NEK9: variants seen among roughly 807,000 people sequenced by gnomAD.
NEK9 encodes serine/threonine-protein kinase Nek9.
A neutral mutation model predicts 123.4 loss-of-function variants in NEK9; 75 were observed. The observed-to-expected ratio is 0.61, with a 90% CI of 0.50 to 0.74. The LOEUF is 0.74. Ranked by LOEUF, NEK9 falls within the 30% of genes least tolerant of loss-of-function variation. NEK9 has a pLI of 0.00. For missense variants in NEK9, 952 were observed against 1,214.4 expected (o/e 0.78, Z 3.21); for synonymous variants, 438 against 458.7 (o/e 0.95, Z 0.58).
At position 75,084,408 on chromosome 14, in the gene NEK9, A is replaced by G. The variant is rs1240161668; in HGVS notation, c.*156T>C. On this transcript the variant is annotated 3_prime_UTR_variant, in exon 22 of 22. Coordinates refer to ENST00000238616, the MANE Select transcript of NEK9 (RefSeq NM_033116.6). ...TAGATCCTATCTAAAAGGCAATGCCACTCTCCAAATGTACAAGGAAAGTGC... is the reference window on the plus strand; with the variant it reads ...TAGATCCTATCTAAAAGGCAATGCCGCTCTCCAAATGTACAAGGAAAGTGC... The G allele has an allele frequency of 9.7e-6, 8 of 827,010 alleles. No individual in the cohort carries two copies. Among genetic ancestry groups the G allele is most frequent in the Non-Finnish European group, 1.2e-5 (6 of 516,160 alleles). 51.2% of individuals were successfully genotyped at this position (827,010 alleles called of 1,614,324 possible).
rs1278241590 is a variant in NEK9, at chr14:75,081,943, A to C, written c.*2621T>G. The C allele has an allele frequency of 6.6e-6, 1 of 152,228 alleles. No individual in the cohort carries two copies. The highest frequency in any genetic ancestry group is 1.5e-5 in the Non-Finnish European group (1 of 68,022). The allele number at this position is 152,228 out of a possible 1,614,324, so 9.4% of individuals were successfully genotyped here. Reference sequence around the variant, plus strand: ...AGCAATGATTCTGCTGGCAAGAATAAGAAACTGGAGAGAAGCAAAGAATAT... The same window carrying C: ...AGCAATGATTCTGCTGGCAAGAATACGAAACTGGAGAGAAGCAAAGAATAT... On this transcript the variant is annotated 3_prime_UTR_variant, in exon 22 of 22. Transcript: ENST00000238616. The surrounding 1 kb of genome is among the most constrained non-coding windows in gnomAD (Gnocchi z 4.2).
Position 75,127,005 on chromosome 14 carries a change from G to C in NEK9, c.-84C>G. 8.5e-7 allele frequency: 1 copy of C among 1,180,356 alleles called. No individual in the cohort carries two copies. The highest frequency in any genetic ancestry group is 1.1e-6 in the Non-Finnish European group (1 of 880,114). 73.1% of individuals were successfully genotyped at this position (1,180,356 alleles called of 1,614,324 possible). The stretch of plus-strand genomic sequence containing the variant: ...TGCGTCCCGCTCGCTTCAGATGCCG[G>C]CCCGCGGATCCGTCAGCCCAGCAAC... On this transcript the variant is annotated 5_prime_UTR_variant, in exon 1 of 22. Transcript: ENST00000238616.
chr14:75,100,331 A>G, intron 16 of NEK9, among the ~76,000 whole-genome samples: 1 of 151,900 alleles, frequency 6.6e-6, no homozygotes, highest in East Asian at 1.9e-4. Context: ...CTGTAATCCC[A>G]GCTACTCGGG....
In NEK9 at chr14:75,084,376, T is replaced by C. The variant is rs1196224283; in HGVS notation, c.*188A>G. 4.5e-6 allele frequency: 3 copies of C among 667,754 alleles called. No homozygotes were observed. In the East Asian group the frequency reaches 8.1e-5, roughly 18 times the overall value. The allele number at this position is 667,754 out of a possible 1,614,324, so 41.4% of individuals were successfully genotyped here. ...CCTTCCATTCTCCAAAACAATAAAATCACTCCTAGATCCTATCTAAAAGGC... is the reference window on the plus strand; with the variant it reads ...CCTTCCATTCTCCAAAACAATAAAACCACTCCTAGATCCTATCTAAAAGGC... On this transcript the variant is annotated 3_prime_UTR_variant, in exon 22 of 22. Transcript: ENST00000238616.
At chr14:75,126,398 T>C (rs1036470149) in intron 1 of NEK9, among the ~76,000 whole-genome samples, 1 of 151,784 alleles carries the variant, frequency 6.6e-6, no homozygotes, top group Non-Finnish European at 1.5e-5. Context: ...ATTCTCAAGA[T>C]AATCTTAAAA....
Position 75,095,434 on chromosome 14 carries a change from G to A in NEK9, c.2174-3C>T. ...GGTCTTAGAATTCAATACTTTCTCT[G>A]AGAAAAAATATTTGGTAGGTAAGCA... On this transcript the variant is annotated splice_region_variant and splice_polypyrimidine_tract_variant and intron_variant, in intron 17 of 21. Coordinates refer to ENST00000238616, the MANE Select transcript of NEK9 (RefSeq NM_033116.6). 6.2e-7 allele frequency: 1 copy of A among 1,610,476 alleles called. No individual in the cohort carries two copies. Among genetic ancestry groups the A allele is most frequent in the Non-Finnish European group, 8.5e-7 (1 of 1,177,238 alleles).
At position 75,093,412 on chromosome 14, in the gene NEK9, C is replaced by T. The variant is rs550263741; in HGVS notation, c.2234-1934G>A. Among the ~76,000 whole-genome samples the T allele has an allele frequency of 8.5e-5, 13 of 152,260 alleles. No individual in the cohort carries two copies. In the South Asian group the frequency reaches 1.9e-3, roughly 22 times the overall value. On this transcript the variant is annotated intron_variant, in intron 18 of 21. Coordinates refer to ENST00000238616, the MANE Select transcript of NEK9 (RefSeq NM_033116.6). ...TATCATTTCTTCTTAAAAACTTTATCGCCTTTATGTATCCTTAAATAATAC... is the reference window on the plus strand; with the variant it reads ...TATCATTTCTTCTTAAAAACTTTATTGCCTTTATGTATCCTTAAATAATAC...
At chr14:75,110,491 C>A in intron 8 of NEK9, 120 bp from the exon 9 acceptor site, 1 of 713,622 alleles carries the variant, frequency 1.4e-6, no homozygotes, top group Non-Finnish European at 2.4e-6. Context: ...CCTACAACAT[C>A]ACAATACTTT....
intron 10 of NEK9, 25 bp from the exon 11 acceptor site, chr14:75,107,512 CTT>C (rs752058522): frequency 4.2e-6 from 6 of 1,422,154 alleles, no homozygotes; most frequent in African/African-American, 1.5e-5. Context: ...GGTCTTATGA[CTT>C]TTTTTTTTAA....
chr14:75,101,280 T>G (rs1894571235), intron 15 of NEK9, 127 bp from the exon 16 acceptor site: 1 of 1,024,014 alleles, frequency 9.8e-7, no homozygotes, highest in Non-Finnish European at 1.4e-6. Flanking sequence ...ACTAGCCACA[T>G]GATCCTGGAC....
Position 75,082,893 on chromosome 14 carries a change from G to C in NEK9, c.*1671C>G. 2.5e-6 allele frequency: 1 copy of C among 398,380 alleles called. No individual in the cohort carries two copies. Among genetic ancestry groups the C allele is most frequent in the Non-Finnish European group, 4.4e-6 (1 of 226,038 alleles). The allele number at this position is 398,380 out of a possible 1,614,324, so 24.7% of individuals were successfully genotyped here. Reference sequence around the variant, plus strand: ...TTGCAACTTTAATCAAAGTTTGGCTGCTTCCCTTATTTCAAGAAAAGGTTT... The same window carrying C: ...TTGCAACTTTAATCAAAGTTTGGCTCCTTCCCTTATTTCAAGAAAAGGTTT... On this transcript the variant is annotated 3_prime_UTR_variant, in exon 22 of 22. Coordinates refer to ENST00000238616, the MANE Select transcript of NEK9 (RefSeq NM_033116.6).
intron 19 of NEK9, among the ~76,000 whole-genome samples, chr14:75,089,622 G>A (rs1449568934): frequency 2.6e-5 from 4 of 151,414 alleles, no homozygotes; most frequent in African/African-American, 7.3e-5. Context: ...TGCAACCTTC[G>A]CCTCCTGGGC....
intron 21 of NEK9, chr14:75,086,587 T>G: frequency 6.0e-6 from 1 of 167,040 alleles, no homozygotes; most frequent in East Asian, 1.5e-4. Context: ...GCTTCTGGGA[T>G]TATAATTACA....
intron 3 of NEK9, 99 bp downstream of exon 3, chr14:75,121,020 A>C: frequency 9.8e-7 from 1 of 1,019,476 alleles, no homozygotes; most frequent in South Asian, 1.3e-5. Flanking sequence ...GAACAAAAGG[A>C]AAAAAACACT....
At chr14:75,106,984 T>A (rs988890699) in intron 11 of NEK9, among the ~76,000 whole-genome samples, 1 of 152,070 alleles carries the variant, frequency 6.6e-6, no homozygotes, top group African/African-American at 2.4e-5. Flanking sequence ...GATAAAAAAA[T>A]AAGTCCCAAG....
intron 21 of NEK9, 50 bp from the exon 22 acceptor site, chr14:75,084,736 C>T (rs1594818327): frequency 6.2e-7 from 1 of 1,612,544 alleles, no homozygotes; most frequent in East Asian, 2.2e-5. Flanking sequence ...CACCTAGTCA[C>T]AGAAGTAGTT....
rs989388307 is a variant in NEK9, at chr14:75,083,493, T to C, written c.*1071A>G. 1.2e-5 allele frequency: 2 copies of C among 165,750 alleles called. No individual in the cohort carries two copies. The highest frequency in any genetic ancestry group is 4.8e-5 in the African/African-American group (2 of 42,006). 10.3% of individuals were successfully genotyped at this position (165,750 alleles called of 1,614,324 possible). On this transcript the variant is annotated 3_prime_UTR_variant, in exon 22 of 22. Transcript: ENST00000238616. Reference sequence around the variant, plus strand: ...TGGTGCTGGCTTTGGGCCACTCAGGTAGGAAAAATGATACAGATTCATTCG... The same window carrying C: ...TGGTGCTGGCTTTGGGCCACTCAGGCAGGAAAAATGATACAGATTCATTCG...
At chr14:75,087,673 T>A (rs1466977790) in intron 20 of NEK9, among the ~76,000 whole-genome samples, 1 of 152,210 alleles carries the variant, frequency 6.6e-6, no homozygotes, top group African/African-American at 2.4e-5. Flanking sequence ...CCAACACAAT[T>A]TAAGAAGGTG....
upstream of NEK9, chr14:75,127,093 C>T (rs1895568020): frequency 1.8e-6 from 1 of 560,078 alleles, no homozygotes; most frequent in African/African-American, 2.0e-5. Context: ...TGTTTCCGGC[C>T]TGGCTGAGTT....
Sources: gnomAD v4.1 joint callset for allele counts (sites outside exome capture counted in the v4.1 genomes callset) on GRCh38, gnomAD v4.1.1 for gene constraint, Gnocchi (gnomAD v3.1) non-coding constraint, MANE v1.5 for transcripts, NCBI Gene and HGNC (gene_info 2026-07-23, HGNC 2026-07-21) for gene names.